RSU1: variants seen among roughly 807,000 people sequenced by gnomAD.
The protein encoded by RSU1 is rsu-1.
In RSU1, 26 loss-of-function variants were observed where a neutral mutation model predicts 31.1. The ratio of observed to expected loss-of-function variants is 0.84; its 90% CI spans 0.61 to 1.16. The LOEUF is 1.16. RSU1 is among the 50% of genes most tolerant of loss of function. The probability of loss-of-function intolerance (pLI) is 0.00; values close to 1 mark genes in which losing one functional copy is unlikely to be tolerated. For synonymous variants in RSU1, 164 were observed against 136.3 expected, an observed-to-expected ratio of 1.20 and a Z score of -1.41; for missense variants, 320 against 339.1, an observed-to-expected ratio of 0.94 and a Z score of 0.44.
chr10:16,691,338 T>A (rs1361513883), intron 8 of RSU1, among the ~76,000 whole-genome samples: 2 of 151,826 alleles, frequency 1.3e-5, no homozygotes, highest in Non-Finnish European at 2.9e-5. Flanking sequence ...AAAATCAGTT[T>A]GTGTTAATCT....
At chr10:16,687,237 C>T (rs1835456352) in intron 8 of RSU1, among the ~76,000 whole-genome samples, 1 of 152,046 alleles carries the variant, frequency 6.6e-6, no homozygotes, top group South Asian at 2.1e-4. Context: ...GTTTTTAAGC[C>T]CTAGTAGAGT....
rs1395385638 is a variant in RSU1, at chr10:16,592,510, G to A, written c.*884C>T. 1 of 152,130 alleles carries A rather than the reference G, an allele frequency of 6.6e-6. No homozygotes were observed. Among genetic ancestry groups the A allele is most frequent in the Non-Finnish European group, 1.5e-5 (1 of 68,040 alleles). 9.4% of individuals were successfully genotyped at this position (152,130 alleles called of 1,614,324 possible). ...ACACAACTTCCTTGGCATCGAAGTC[G>A]CTTAGAAGAATGCTTCGATGCGAGC... On this transcript the variant is annotated 3_prime_UTR_variant, in exon 9 of 9. Transcript: ENST00000345264.
chr10:16,706,242 G>A (rs1303042460), intron 7 of RSU1, among the ~76,000 whole-genome samples: 2 of 152,188 alleles, frequency 1.3e-5, no homozygotes, highest in Admixed American at 6.5e-5. Flanking sequence ...AGTGCTCAAG[G>A]GTTCCCAACC....
intron 7 of RSU1, among the ~76,000 whole-genome samples, chr10:16,726,242 C>G (rs954105086): frequency 6.6e-6 from 1 of 150,516 alleles, no homozygotes; most frequent in African/African-American, 2.5e-5. Flanking sequence ...CTTGACCTAC[C>G]TTTCTGTCTA....
In RSU1 at chr10:16,810,620, G is replaced by C. The variant is rs559533323; in HGVS notation, c.109+6353C>G. ...GGCAGTGGGTGTGCTGGTTTGACAA[G>C]ACCATGGGACAGGTGGGCAAAGACC... On this transcript the variant is annotated intron_variant, in intron 2 of 8. Coordinates refer to ENST00000345264, the MANE Select transcript of RSU1 (RefSeq NM_012425.4). 2.6e-5 allele frequency among the ~76,000 whole-genome samples: 4 copies of C among 152,302 alleles called. No individual in the cohort carries two copies. The South Asian group carries it at 8.3e-4, about 32-fold the overall frequency.
chr10:16,591,873 C>G lies in RSU1; in HGVS notation c.*1521G>C, dbSNP rs1205314726. The G allele has an allele frequency of 6.6e-6, 1 of 152,180 alleles. No individual in the cohort carries two copies. Among genetic ancestry groups the G allele is most frequent in the Non-Finnish European group, 1.5e-5 (1 of 68,026 alleles). The allele number at this position is 152,180 out of a possible 1,614,324, so 9.4% of individuals were successfully genotyped here. A position where few individuals can be genotyped will look rare whatever the true frequency, so the allele number is the denominator to read the frequency against. ...TTAAAAAAATTCAGGCAGAGGCATA[C>G]ATGGCACCTATAAAAATGATATCAA... On this transcript the variant is annotated 3_prime_UTR_variant, in exon 9 of 9. Transcript: ENST00000345264.
rs1243613843 is a variant in RSU1 at position 16,716,228 on chromosome 10, C to T, written c.599-21073G>A. On this transcript the variant is annotated intron_variant, in intron 7 of 8. Coordinates refer to ENST00000345264, the MANE Select transcript of RSU1 (RefSeq NM_012425.4). Reference sequence around the variant, plus strand: ...TCAGAGAGACGCCTTCACAGGCAGGCTAAGGGAGGTGGGTGCCAGGGCCAG... The same window carrying T: ...TCAGAGAGACGCCTTCACAGGCAGGTTAAGGGAGGTGGGTGCCAGGGCCAG... Among the ~76,000 whole-genome samples the T allele has an allele frequency of 2.0e-5, 3 of 152,104 alleles. No homozygotes were observed. In the East Asian group the frequency reaches 5.8e-4, roughly 29 times the overall value.
At chr10:16,620,469 C>A (rs534450571) in intron 8 of RSU1, among the ~76,000 whole-genome samples, 1 of 151,622 alleles carries the variant, frequency 6.6e-6, no homozygotes, top group East Asian at 1.9e-4. Flanking sequence ...GTGGGGGAAC[C>A]AGATGTGGCC....
At chr10:16,706,802 T>C (rs1014496615) in intron 7 of RSU1, among the ~76,000 whole-genome samples, 2 of 152,136 alleles carry the variant, frequency 1.3e-5, no homozygotes, top group Non-Finnish European at 2.9e-5. Flanking sequence ...CAGTCTACTG[T>C]GTAACAGAAC....
At chr10:16,689,908 G>A (rs977600621) in intron 8 of RSU1, among the ~76,000 whole-genome samples, 1 of 152,206 alleles carries the variant, frequency 6.6e-6, no homozygotes, top group Non-Finnish European at 1.5e-5. Flanking sequence ...TTGGCAAATT[G>A]CAGTTTTCAT....
intron 8 of RSU1, among the ~76,000 whole-genome samples, chr10:16,684,561 A>T (rs1835403499): frequency 6.6e-6 from 1 of 152,172 alleles, no homozygotes; most frequent in Non-Finnish European, 1.5e-5. Context: ...AGAGATGATG[A>T]TGTGAAGCAG....
chr10:16,732,462 G>C (rs1419987078), intron 7 of RSU1, among the ~76,000 whole-genome samples: 1 of 152,176 alleles, frequency 6.6e-6, no homozygotes, highest in Non-Finnish European at 1.5e-5. Flanking sequence ...TGATCTCTCT[G>C]CCATGTGATG....
chr10:16,678,062 A>G (rs1019072213), intron 8 of RSU1, among the ~76,000 whole-genome samples: 4 of 152,192 alleles, frequency 2.6e-5, no homozygotes. Context: ...GACACAATCA[A>G]TTCTTTCAAG....
At chr10:16,609,002 T>A (rs1833850434) in intron 8 of RSU1, among the ~76,000 whole-genome samples, 1 of 151,946 alleles carries the variant, frequency 6.6e-6, no homozygotes, top group African/African-American at 2.4e-5. Context: ...CTGGCTGATT[T>A]TTAAATATTT....
At chr10:16,656,141 C>T (rs1834772863) in intron 8 of RSU1, among the ~76,000 whole-genome samples, 2 of 151,972 alleles carry the variant, frequency 1.3e-5, no homozygotes, top group African/African-American at 4.8e-5. Context: ...TTACAAAGTA[C>T]TGGAAAGCAT....
At chr10:16,795,993 C>T (rs1393633547) in intron 2 of RSU1, among the ~76,000 whole-genome samples, 1 of 152,148 alleles carries the variant, frequency 6.6e-6, no homozygotes, top group Non-Finnish European at 1.5e-5. Context: ...CCCACATTTC[C>T]CTGGGAAAAG....
intron 8 of RSU1, among the ~76,000 whole-genome samples, chr10:16,621,360 T>G (rs866287845): frequency 1.5e-3 from 236 of 152,284 alleles, no homozygotes; most frequent in African/African-American, 5.2e-3. Flanking sequence ...CTACGAATAT[T>G]AACACTATGG....
At chr10:16,712,493 C>A (rs7087428) in intron 7 of RSU1, among the ~76,000 whole-genome samples, 84,552 of 151,786 alleles carry the variant, frequency 0.56, 24,229 homozygotes, top group East Asian at 0.84. Flanking sequence ...ATTATTCTGT[C>A]GTAATTTCTT....
chr10:16,725,502 G>C (rs1261319067), intron 7 of RSU1, among the ~76,000 whole-genome samples: 1 of 149,746 alleles, frequency 6.7e-6, no homozygotes, highest in Non-Finnish European at 1.5e-5. Flanking sequence ...CATCTTGAGC[G>C]GGGGGCCTTC....
Sources: allele counts gnomAD v4.1 joint callset (sites outside exome capture counted in the v4.1 genomes callset), GRCh38; gene constraint gnomAD v4.1.1; transcripts MANE v1.5; gene names NCBI Gene and HGNC (gene_info 2026-07-23, HGNC 2026-07-21).